The following ECE2 variants were observed in gnomAD, a reference collection of about 807,000 sequenced individuals.
ECE2 encodes the protein endothelin-converting enzyme 2.
A neutral mutation model predicts 100.6 loss-of-function variants in ECE2; 81 were observed. The ratio of observed to expected loss-of-function variants is 0.81; its 90% CI spans 0.67 to 0.97. ECE2 has a LOEUF of 0.97. ECE2 is among the 50% of genes least tolerant of loss of function. The pLI is 0.00. For missense variants in ECE2, 911 were observed against 988.1 expected, an observed-to-expected ratio of 0.92 and a Z score of 1.05; for synonymous variants, 391 against 391.5, an observed-to-expected ratio of 1.00 and a Z score of 0.02.
chr3:184,289,491 C>A lies in ECE2; in HGVS notation c.1429C>A (p.Leu477Met). ...RTAFEEALGQ[L>M]VWMDEKTRQA... ...CGCATTTGAGGAGGCCCTGGGACAG[C>A]TGGTTTGGATGGATGAGAAGACCCG... The change falls in exon 12 of 19, where the codon CTG becomes ATG. Residue 477 changes from leucine to methionine, a missense_variant. Coordinates refer to ENST00000404464, the MANE Select transcript of ECE2 (RefSeq NM_001100121.2). The surrounding 1 kb of genome is among the most constrained non-coding windows in gnomAD (Gnocchi z 4.1). 1 of 1,612,496 alleles carries A rather than the reference C, an allele frequency of 6.2e-7. No homozygotes were observed. The highest frequency in any genetic ancestry group is 8.5e-7 in the Non-Finnish European group (1 of 1,179,420).
chr3:184,291,659 G>C lies in ECE2; in HGVS notation c.2121+220G>C. 1 of 526,154 alleles carries C rather than the reference G, an allele frequency of 1.9e-6. No homozygotes were observed. The highest frequency in any genetic ancestry group is 3.3e-5 in the South Asian group (1 of 30,020). The allele number at this position is 526,154 out of a possible 1,614,324, so 32.6% of individuals were successfully genotyped here. ...CCTGAGCGGGAGAATGCCTTGGTAGGATTTCGCATAGTTCAAAGGGCAAGG... is the reference window on the plus strand; with the variant it reads ...CCTGAGCGGGAGAATGCCTTGGTAGCATTTCGCATAGTTCAAAGGGCAAGG... On this transcript the variant is annotated intron_variant, in intron 18 of 18. Transcript: ENST00000404464. The surrounding 1 kb of genome is among the most constrained non-coding windows in gnomAD (Gnocchi z 4.1).
chr3:184,282,432 G>GTGGT lies in ECE2; in HGVS notation c.817-1351_817-1348dup, dbSNP rs1442761413. Among the ~76,000 whole-genome samples, 5 of 152,364 alleles carry GTGGT rather than the reference G, an allele frequency of 3.3e-5. No individual in the cohort carries two copies. In the East Asian group the frequency reaches 5.8e-4, roughly 18 times the overall value. ...GGTGGGCCTTCAGGTTGAGTGGGAAGTGGTTTCTGGGAGGAGGGTTAAGGG... is the reference window on the plus strand; with the variant it reads ...GGTGGGCCTTCAGGTTGAGTGGGAAGTGGTTGGTTTCTGGGAGGAGGGTTAAGGG... On this transcript the variant is annotated intron_variant, in intron 7 of 18. Coordinates refer to ENST00000404464, the MANE Select transcript of ECE2 (RefSeq NM_001100121.2).
In ECE2 at chr3:184,277,005, C is replaced by T. The variant is rs368620301; in HGVS notation, c.240C>T (p.Ala80=). Residue 80 remains alanine (A), a synonymous_variant, in exon 3 of 19, where the codon GCC becomes GCT. Coordinates refer to ENST00000404464, the MANE Select transcript of ECE2 (RefSeq NM_001100121.2). ...LAALLLGCLV[A]LGVQYHRDPS... ...CACTGCTTCTGGGCTGCCTTGTGGC[C>T]CTAGGGGTCCAGTACCACAGAGGTA... is the stretch of plus-strand genomic sequence containing the variant. 14 of 1,613,902 alleles carry T rather than the reference C, an allele frequency of 8.7e-6. No individual in the cohort carries two copies. In the African/African-American group the frequency reaches 1.5e-4, roughly 17 times the overall value.
chr3:184,278,446 A>G (rs932327455), intron 6 of ECE2, 46 bp from the exon 7 acceptor site: 1 of 1,602,882 alleles, frequency 6.2e-7, no homozygotes, highest in South Asian at 1.1e-5. Flanking sequence ...TCAGGTTCCC[A>G]TGGTGGGGAA....
chr3:184,291,401 C>T lies in ECE2; in HGVS notation c.2083C>T (p.Leu695Phe), dbSNP rs867910163. 6.2e-7 allele frequency: 1 copy of T among 1,606,176 alleles called. No individual in the cohort carries two copies. The highest frequency in any genetic ancestry group is 8.5e-7 in the Non-Finnish European group (1 of 1,175,874). Residue 695 changes from leucine (L) to phenylalanine (F), a missense_variant, in exon 18 of 19, where the codon CTC becomes TTC. Coordinates refer to ENST00000404464, the MANE Select transcript of ECE2 (RefSeq NM_001100121.2). The surrounding 1 kb of genome is among the most constrained non-coding windows in gnomAD (Gnocchi z 4.1). The stretch of plus-strand genomic sequence containing the variant: ...GGAGCAGCAACTGCCAGCCGTGGGG[C>T]TCACCAACCACCAGCTCTTCTTCGT... Reference protein sequence around the residue: ...GEEQQLPAVGLTNHQLFFVGF... With the variant: ...GEEQQLPAVGFTNHQLFFVGF...
chr3:184,286,827 A>G (rs144422658), intron 10 of ECE2, among the ~76,000 whole-genome samples: 15 of 148,064 alleles, frequency 1.0e-4, no homozygotes, highest in Non-Finnish European at 2.1e-4. Context: ...GCAATTGCAG[A>G]CTGAGTGTGG....
chr3:184,287,901 G>A lies in ECE2; in HGVS notation c.1328G>A (p.Gly443Glu). 6.2e-7 allele frequency: 1 copy of A among 1,614,196 alleles called. No individual in the cohort carries two copies. Among genetic ancestry groups the A allele is most frequent in the Non-Finnish European group, 8.5e-7 (1 of 1,180,032 alleles). The change falls in exon 11 of 19, where the codon GGG becomes GAG. Residue 443 changes from glycine (G) to glutamate (E), a missense_variant. Transcript: ENST00000404464. ...GATGACGCCCTTGGCTTTGCTTTGG[G>A]GTCCCTCTTCGTGAAGGCCACGTTT... Reference protein sequence around the residue: ...NTDDALGFALGSLFVKATFDR... With the variant: ...NTDDALGFALESLFVKATFDR...
rs894451757 is a variant in ECE2 at position 184,291,782 on chromosome 3, G to A, written c.2122-280G>A. 1.2e-5 allele frequency: 6 copies of A among 517,084 alleles called. No homozygotes were observed. The highest frequency in any genetic ancestry group is 3.8e-5 in the African/African-American group (2 of 52,506). The allele number at this position is 517,084 out of a possible 1,614,324, so 32.0% of individuals were successfully genotyped here. ...CATGCAGGAAACGAAAGCTCGGGACGCAGAGTGGCCTGTCCAGGGCTGCCC... is the reference window on the plus strand; with the variant it reads ...CATGCAGGAAACGAAAGCTCGGGACACAGAGTGGCCTGTCCAGGGCTGCCC... On this transcript the variant is annotated intron_variant, in intron 18 of 18. Coordinates refer to ENST00000404464, the MANE Select transcript of ECE2 (RefSeq NM_001100121.2). The surrounding 1 kb of genome is among the most constrained non-coding windows in gnomAD (Gnocchi z 4.1).
At chr3:184,277,814 G>C in intron 4 of ECE2, 111 bp from the exon 5 acceptor site, 1 of 1,503,280 alleles carries the variant, frequency 6.7e-7, no homozygotes, top group Non-Finnish European at 8.9e-7. Flanking sequence ...CTGGGTCTGC[G>C]TTAGCAGGAC....
At chr3:184,276,310 C>A in intron 1 of ECE2, 118 bp downstream of exon 1, 1 of 1,379,034 alleles carries the variant, frequency 7.3e-7, no homozygotes, top group Non-Finnish European at 9.7e-7. Context: ...GCCTCCCGGG[C>A]CTGGTGGAGG....
chr3:184,276,608 C>G, intron 2 of ECE2, 41 bp downstream of exon 2: 1 of 1,593,166 alleles, frequency 6.3e-7, no homozygotes, highest in Non-Finnish European at 8.5e-7. Context: ...GGCCCCAGCC[C>G]TGGCATGACG....
rs372613023 is a variant in ECE2 at position 184,277,207 on chromosome 3, C to T, written c.263-44C>T. ...GCAGAGTTTGCCTCTTCCAGACAGACAGACTGACAGTCTCCTACCCTCCGG... is the reference window on the plus strand; with the variant it reads ...GCAGAGTTTGCCTCTTCCAGACAGATAGACTGACAGTCTCCTACCCTCCGG... On this transcript the variant is annotated intron_variant, in intron 3 of 18. Coordinates refer to ENST00000404464, the MANE Select transcript of ECE2 (RefSeq NM_001100121.2). 7.4e-6 allele frequency: 12 copies of T among 1,611,724 alleles called. No homozygotes were observed. The Admixed American group carries it at 1.0e-4, about 13-fold the overall frequency.
rs1049529299 is a variant in ECE2, at chr3:184,285,465, G to A, written c.1149-13G>A. On this transcript the variant is annotated splice_polypyrimidine_tract_variant and intron_variant, in intron 9 of 18. Transcript: ENST00000404464. ...CCACCTGCCCTTTTCTTATTTTCTG[G>A]TCTGGTTGTCAGCATCCTGAACAAT... The A allele has an allele frequency of 9.4e-6, 15 of 1,603,926 alleles. No homozygotes were observed. Among genetic ancestry groups the A allele is most frequent in the African/African-American group, 2.7e-5 (2 of 74,668 alleles).
chr3:184,289,558 G>A lies in ECE2; in HGVS notation c.1473+23G>A. On this transcript the variant is annotated intron_variant, in intron 12 of 18. Transcript: ENST00000404464. This position sits in a 1 kb window ranked among gnomAD's most constrained non-coding sequence, Gnocchi z 4.1. ...AAAGTGAGCGGTGGCTAGGGTTGGG[G>A]CGCCATCTTGAGGTGGGGTTCAAGG... 1.9e-6 allele frequency: 3 copies of A among 1,613,812 alleles called. No individual in the cohort carries two copies. Among genetic ancestry groups the A allele is most frequent in the Middle Eastern group, 1.7e-4 (1 of 6,058 alleles).
intron 6 of ECE2, 26 bp downstream of exon 6, chr3:184,278,339 G>A (rs367740977): frequency 6.2e-7 from 1 of 1,610,476 alleles, no homozygotes; most frequent in African/African-American, 1.3e-5. Flanking sequence ...AGGGTGGGGA[G>A]AGACTTAGGG....
chr3:184,276,237 G>C, intron 1 of ECE2, 45 bp downstream of exon 1: 1 of 1,441,576 alleles, frequency 6.9e-7, no homozygotes, highest in Non-Finnish European at 9.1e-7. Flanking sequence ...TGGGTGGAGG[G>C]GGACGAGGCA....
chr3:184,277,965 G>C lies in ECE2; in HGVS notation c.519G>C (p.Lys173Asn). ...ACTCCAGCAGTGAAGCTGAGCAGAAGACACAGCGCTTCTACCTATCTTGCC... is the reference window on the plus strand; with the variant it reads ...ACTCCAGCAGTGAAGCTGAGCAGAACACACAGCGCTTCTACCTATCTTGCC... ...TFNSSSEAEQ[K>N]TQRFYLSCLQ... The change falls in exon 5 of 19, where the codon AAG becomes AAC. Residue 173 changes from lysine (K) to asparagine (N), a missense_variant. Lys to Asn is a moderately conservative substitution (Grantham distance 94). Coordinates refer to ENST00000404464, the MANE Select transcript of ECE2 (RefSeq NM_001100121.2). 6.2e-7 allele frequency: 1 copy of C among 1,613,408 alleles called. No homozygotes were observed. The highest frequency in any genetic ancestry group is 1.1e-5 in the South Asian group (1 of 91,038).
intron 10 of ECE2, among the ~76,000 whole-genome samples, chr3:184,287,588 G>A (rs929313821): frequency 1.3e-5 from 2 of 152,186 alleles, no homozygotes; most frequent in Admixed American, 6.5e-5. Flanking sequence ...CCAGCTATTC[G>A]AGAGGCTGAG....
At chr3:184,290,224 G>T in intron 13 of ECE2, 31 bp from the exon 14 acceptor site, 1 of 1,567,648 alleles carries the variant, frequency 6.4e-7, no homozygotes, top group Non-Finnish European at 8.8e-7. Flanking sequence ...GGATTCTCTT[G>T]CTCTCTTTCT....
Sources: allele counts gnomAD v4.1 joint callset (sites outside exome capture counted in the v4.1 genomes callset), GRCh38; gene constraint gnomAD v4.1.1; non-coding constraint Gnocchi (gnomAD v3.1); transcripts MANE v1.5; gene names NCBI Gene and HGNC (gene_info 2026-07-23, HGNC 2026-07-21).